NGLY1: variants seen among roughly 807,000 people sequenced by gnomAD.
NGLY1 encodes peptide-N(4)-(N-acetyl-beta-glucosaminyl)asparagine amidase.
Under a neutral mutation model 84.6 loss-of-function variants are expected in NGLY1, and 68 were observed. That is an observed-to-expected ratio of 0.80 (90% CI 0.66 to 0.98). The LOEUF is 0.98. NGLY1 is among the 50% of genes least tolerant of loss of function. NGLY1 has a pLI of 0.00. For synonymous variants in NGLY1, 280 were observed against 275.2 expected (o/e 1.02, Z -0.17); for missense variants, 779 against 770.2 (o/e 1.01, Z -0.14).
chr3:25,753,862 G>C (rs1208682600), intron 3 of NGLY1, among the ~76,000 whole-genome samples: 1 of 152,150 alleles, frequency 6.6e-6, no homozygotes, highest in Non-Finnish European at 1.5e-5. Context: ...ATATTGCAAA[G>C]TAGAGACAGG....
intron 4 of NGLY1, among the ~76,000 whole-genome samples, chr3:25,749,006 T>C (rs1706585619): frequency 6.6e-6 from 1 of 151,998 alleles, no homozygotes; most frequent in Non-Finnish European, 1.5e-5. Context: ...ATGCTCAATA[T>C]CATGAATTAG....
intron 1 of NGLY1, among the ~76,000 whole-genome samples, chr3:25,780,408 C>T (rs1222852201): frequency 6.6e-6 from 1 of 152,156 alleles, no homozygotes; most frequent in South Asian, 2.1e-4. Context: ...TTTCCTGACA[C>T]TCAATGTATT....
At position 25,762,306 on chromosome 3, in the gene NGLY1, A is replaced by G. The variant is rs143597803; in HGVS notation, c.492+1760T>C. Among the ~76,000 whole-genome samples, 576 of 152,318 alleles carry G rather than the reference A, an allele frequency of 3.8e-3. 2 individuals carry two copies. The highest frequency in any genetic ancestry group is 0.013 in the African/African-American group (551 of 41,580). ...GGGCAAGGTAGAAGAAAACTGTCAA[A>G]TTCTGTAGTATAGCAACTAATGATG... is the stretch of plus-strand genomic sequence containing the variant. On this transcript the variant is annotated intron_variant, in intron 3 of 11. Transcript: ENST00000280700.
At position 25,719,411 on chromosome 3, in the gene NGLY1, C is replaced by T. The variant is rs766681901; in HGVS notation, c.*49G>A. ...AAGCATGCACTGAACCAACAGACTA[C>T]TTCAGTAAGTCCTTGATTATTGCCA... On this transcript the variant is annotated 3_prime_UTR_variant, in exon 12 of 12. Coordinates refer to ENST00000280700, the MANE Select transcript of NGLY1 (RefSeq NM_018297.4). 7.8e-6 allele frequency: 12 copies of T among 1,547,542 alleles called. No homozygotes were observed. Among genetic ancestry groups the T allele is most frequent in the Non-Finnish European group, 1.1e-5 (12 of 1,125,358 alleles).
At chr3:25,749,667 A>G (rs1386681411) in intron 4 of NGLY1, 1 of 1,520,194 alleles carries the variant, frequency 6.6e-7, no homozygotes, top group African/African-American at 1.4e-5. Flanking sequence ...AACATTAGTT[A>G]TGGGAGCAAC....
At chr3:25,767,273 T>G (rs1055599785) in intron 2 of NGLY1, among the ~76,000 whole-genome samples, 16 of 146,858 alleles carry the variant, frequency 1.1e-4, no homozygotes, top group Non-Finnish European at 2.1e-4. Context: ...GCCTGGGCGA[T>G]AGAACTAGAC....
At chr3:25,788,150 C>G (rs1471127500), upstream of NGLY1, among the ~76,000 whole-genome samples, 1 of 152,118 alleles carries the variant, frequency 6.6e-6, no homozygotes, top group Non-Finnish European at 1.5e-5. Flanking sequence ...CTCATTTTTG[C>G]ATTCAAACTT....
In NGLY1 at chr3:25,749,932, T is replaced by C. The variant is rs139895383; in HGVS notation, c.658+1166A>G. 8.4e-3 allele frequency: 4,897 copies of C among 580,692 alleles called. 169 individuals are homozygous for C. The highest frequency in any genetic ancestry group is 0.071 in the East Asian group (2,411 of 33,902). The allele number at this position is 580,692 out of a possible 1,614,324, so 36.0% of individuals were successfully genotyped here. A position where few individuals can be genotyped will look rare whatever the true frequency, so the allele number is the denominator to read the frequency against. ...TGCATGTTTTGTGTTTAAATAAAAC[T>C]GTAAAAACTGCCAAAAAAAAAAAAA... On this transcript the variant is annotated intron_variant, in intron 4 of 11. Coordinates refer to ENST00000280700, the MANE Select transcript of NGLY1 (RefSeq NM_018297.4).
chr3:25,720,058 T>G lies in NGLY1; in HGVS notation c.1745A>C (p.Glu582Ala). The G allele has an allele frequency of 6.2e-7, 1 of 1,613,834 alleles. No individual in the cohort carries two copies. Among genetic ancestry groups the G allele is most frequent in the Non-Finnish European group, 8.5e-7 (1 of 1,179,826 alleles). The change falls in exon 11 of 12, where the codon GAA becomes GCA. Residue 582 changes from glutamate (E) to alanine (A), a missense_variant. By Grantham distance (107) the Glu-to-Ala change is moderately radical. Coordinates refer to ENST00000280700, the MANE Select transcript of NGLY1 (RefSeq NM_018297.4). Reference protein sequence around the residue: ...SSQTFQTGTVEWKLRSDTAQV... With the variant: ...SSQTFQTGTVAWKLRSDTAQV... The stretch of plus-strand genomic sequence containing the variant: ...TGCTGTATCAGATCGCAATTTCCAT[T>G]CTACTGTTCCAGTCTGAAAAGTTTG...
At chr3:25,768,350 C>T (rs1707718748) in intron 2 of NGLY1, among the ~76,000 whole-genome samples, 3 of 151,196 alleles carry the variant, frequency 2.0e-5, no homozygotes, top group East Asian at 3.9e-4. Context: ...CACTTGAACC[C>T]GGCAGAGGCT....
chr3:25,719,980 T>C (rs375218948), intron 11 of NGLY1, 34 bp downstream of exon 11: 3 of 1,569,062 alleles, frequency 1.9e-6, no homozygotes, highest in Non-Finnish European at 2.6e-6. Context: ...GGTAAATATA[T>C]ATTTCGTGAT....
In NGLY1 at chr3:25,751,250, G is replaced by C; in HGVS notation, c.506C>G (p.Ser169Ter). Residue 169 changes from serine (S) to a stop codon, truncating the protein, a stop_gained, in exon 4 of 12, where the codon TCA (serine) becomes TGA (stop). Coordinates refer to ENST00000280700, the MANE Select transcript of NGLY1 (RefSeq NM_018297.4). LOFTEE classifies it high-confidence loss of function. ...GGACTGAAGAACTTCTAGAATGGCT[G>C]AGTCAGCAGCAACCTAATAGGAAAA... ...PPSASTVAAD[S>*]AILEVLQSNI... 1 of 1,564,006 alleles carries C rather than the reference G, an allele frequency of 6.4e-7. No individual in the cohort carries two copies.
chr3:25,755,775 TAA>T (rs1707007118), intron 3 of NGLY1: 8 of 738,604 alleles, frequency 1.1e-5, no homozygotes, highest in Middle Eastern at 4.0e-4. Context: ...CGTTTTACCT[TAA>T]AAGACTTTCA....
intron 10 of NGLY1, among the ~76,000 whole-genome samples, chr3:25,726,777 G>A (rs1705288389): frequency 1.3e-5 from 2 of 152,204 alleles, no homozygotes; most frequent in South Asian, 2.1e-4. Context: ...GACAGAGGGA[G>A]ATTAGTTAGG....
chr3:25,769,863 T>A (rs1427427102), intron 2 of NGLY1, among the ~76,000 whole-genome samples: 1 of 152,164 alleles, frequency 6.6e-6, no homozygotes, highest in Non-Finnish European at 1.5e-5. Flanking sequence ...ATAAGTTCTT[T>A]AGTGGTAATT....
intron 7 of NGLY1, 63 bp downstream of exon 7, chr3:25,735,941 C>T (rs1705792049): frequency 7.4e-7 from 1 of 1,347,860 alleles, no homozygotes; most frequent in Admixed American, 2.5e-5. Context: ...ATTCATGAAG[C>T]TGTCATAAAA....
At chr3:25,757,660 A>G (rs982012874) in intron 3 of NGLY1, among the ~76,000 whole-genome samples, 3 of 152,326 alleles carry the variant, frequency 2.0e-5, no homozygotes, top group Non-Finnish European at 4.4e-5. Flanking sequence ...TAAGGAAAAC[A>G]ATTTGCAAGA....
At chr3:25,719,678 T>C (rs1299795677) in intron 11 of NGLY1, 43 bp from the exon 12 acceptor site, 1 of 1,510,756 alleles carries the variant, frequency 6.6e-7, no homozygotes, top group Non-Finnish European at 9.1e-7. Context: ...CTTTTGGTAA[T>C]TTAAAGAGCA....
chr3:25,721,171 G>C (rs900799514), intron 10 of NGLY1, among the ~76,000 whole-genome samples: 2 of 152,098 alleles, frequency 1.3e-5, no homozygotes, highest in South Asian at 2.1e-4. Context: ...GCTCACTGAA[G>C]CCTTGAACTC....
Sources: gnomAD v4.1 joint callset for allele counts (sites outside exome capture counted in the v4.1 genomes callset) on GRCh38, gnomAD v4.1.1 for gene constraint, MANE v1.5 for transcripts, NCBI Gene and HGNC (gene_info 2026-07-23, HGNC 2026-07-21) for gene names.